TTC39C: variants seen among roughly 807,000 people sequenced by gnomAD.
TTC39C encodes tetratricopeptide repeat domain 39C, also known as tetratricopeptide repeat protein 39C.
In TTC39C, 33 loss-of-function variants were observed where a neutral mutation model predicts 76.3. The ratio of observed to expected loss-of-function variants is 0.43; its 90% CI spans 0.33 to 0.58. The LOEUF (loss-of-function observed/expected upper bound fraction) is 0.58. Ranked by LOEUF, TTC39C falls within the 20% of genes least tolerant of loss-of-function variation. TTC39C has a pLI of 0.04. For synonymous variants in TTC39C, 254 were observed against 260.6 expected, an observed-to-expected ratio of 0.97 and a Z score of 0.24; for missense variants, 595 against 701.4, an observed-to-expected ratio of 0.85 and a Z score of 1.71.
At chr18:24,059,988 A>G (rs2084072763) in intron 1 of TTC39C, among the ~76,000 whole-genome samples, 1 of 152,140 alleles carries the variant, frequency 6.6e-6, no homozygotes, top group East Asian at 1.9e-4. Context: ...CATGAGGCTT[A>G]TTCATTACCA....
At chr18:24,014,028 G>A (rs1158307142), upstream of TTC39C, among the ~76,000 whole-genome samples, 1 of 152,254 alleles carries the variant, frequency 6.6e-6, no homozygotes, top group African/African-American at 2.4e-5. Context: ...AAATGTTGGT[G>A]GCGGGCTGGA....
intron 6 of TTC39C, among the ~76,000 whole-genome samples, chr18:24,098,414 CTCCTTCCT>C (rs1345784860): frequency 1.3e-5 from 1 of 74,474 alleles, no homozygotes. Context: ...CCCTCCCTCC[CTCCTTCCT>C]TCCTTCCTCC....
chr18:24,069,285 T>G lies in TTC39C; in HGVS notation c.460+14T>G, dbSNP rs2084207469. ...AAGAATTGTCAGGTATGCTGAAGCATTATTTTTAATGGTTTTCAGTATTCA... is the reference window on the plus strand; with the variant it reads ...AAGAATTGTCAGGTATGCTGAAGCAGTATTTTTAATGGTTTTCAGTATTCA... On this transcript the variant is annotated intron_variant, in intron 4 of 13. Transcript: ENST00000317571. 6.3e-7 allele frequency: 1 copy of G among 1,599,426 alleles called. No homozygotes were observed. The highest frequency in any genetic ancestry group is 8.6e-7 in the Non-Finnish European group (1 of 1,166,930).
chr18:24,099,734 G>A (rs8093491), intron 6 of TTC39C, among the ~76,000 whole-genome samples: 1 of 151,912 alleles, frequency 6.6e-6, no homozygotes, highest in Non-Finnish European at 1.5e-5. Context: ...AACATTGGAA[G>A]GAGTTCTTAT....
chr18:24,083,502 T>C (rs1013136947), intron 6 of TTC39C, among the ~76,000 whole-genome samples: 2 of 152,256 alleles, frequency 1.3e-5, no homozygotes, highest in Non-Finnish European at 2.9e-5. Flanking sequence ...CAACATGAGC[T>C]TTGAAATACT....
intron 6 of TTC39C, among the ~76,000 whole-genome samples, chr18:24,085,535 GCAGT>G (rs1408729783): frequency 6.6e-6 from 1 of 152,180 alleles, no homozygotes; most frequent in Non-Finnish European, 1.5e-5. Flanking sequence ...CTAAACATAA[GCAGT>G]CATTCCTTGT....
At chr18:24,027,058 G>A (rs963654321) in intron 1 of TTC39C, among the ~76,000 whole-genome samples, 2 of 152,148 alleles carry the variant, frequency 1.3e-5, no homozygotes, top group Non-Finnish European at 2.9e-5. Context: ...TCGGGAGGCC[G>A]AGGCAGGTGG....
intron 6 of TTC39C, among the ~76,000 whole-genome samples, chr18:24,098,023 G>A (rs1205614474): frequency 1.3e-5 from 2 of 152,024 alleles, no homozygotes; most frequent in Non-Finnish European, 2.9e-5. Flanking sequence ...CCCTGCCTAT[G>A]TCTTAAATAA....
In TTC39C at chr18:24,116,830, T is replaced by G. The variant is rs917826533; in HGVS notation, c.1079-1295T>G. ...CTCTTGATACCTTAGTTTTTTTTTT[T>G]TTTTTTTTTTTTTAAGACAGGGTCT... On this transcript the variant is annotated intron_variant, in intron 7 of 13. Transcript: ENST00000317571. 2.0e-5 allele frequency among the ~76,000 whole-genome samples: 3 copies of G among 146,594 alleles called. No homozygotes were observed. The Admixed American group carries it at 2.0e-4, about 10-fold the overall frequency.
intron 1 of TTC39C, chr18:23,994,377 G>A (rs185088972): frequency 2.0e-5 from 3 of 150,650 alleles, no homozygotes; most frequent in Non-Finnish European, 4.4e-5. Context: ...CAAAACCTTT[G>A]TGTGAGAGCC....
At position 24,098,523 on chromosome 18, in the gene TTC39C, G is replaced by C. The variant is rs1301855335; in HGVS notation, c.984+15442G>C. ...ATCCTCTCCTCTCCCCTCCCCTCCC[G>C]TCCCCTCCCCTCCCCTCCCCTCCCC... On this transcript the variant is annotated intron_variant, in intron 6 of 13. Transcript: ENST00000317571. 5.6e-3 allele frequency among the ~76,000 whole-genome samples: 122 copies of C among 21,700 alleles called. 1 individual carries two copies. The highest frequency in any genetic ancestry group is 0.016 in the African/African-American group (85 of 5,444). The allele number at this position is 21,700 out of a possible 152,430, so 14.2% of individuals were successfully genotyped here. A position where few individuals can be genotyped will look rare whatever the true frequency, so the allele number is the denominator to read the frequency against.
chr18:24,061,593 TAAAAAAAAA>T (rs35502981), intron 1 of TTC39C, among the ~76,000 whole-genome samples: 3 of 95,824 alleles, frequency 3.1e-5, no homozygotes, highest in African/African-American at 8.1e-5. Flanking sequence ...TTGAAATAAG[TAAAAAAAAA>T]AAAAAAAAAA....
At chr18:24,099,142 G>GTA (rs761733786) in intron 6 of TTC39C, 4,141 of 145,442 alleles carry the variant, frequency 0.028, 115 homozygotes, top group South Asian at 0.04. Flanking sequence ...GTGTGTGTGT[G>GTA]TATGTGTGTG....
intron 1 of TTC39C, among the ~76,000 whole-genome samples, chr18:24,027,412 T>C (rs1325659063): frequency 1.3e-5 from 2 of 152,286 alleles, no homozygotes; most frequent in African/African-American, 4.8e-5. Flanking sequence ...TTGCAAAATC[T>C]CAAGTTATGT....
intron 1 of TTC39C, among the ~76,000 whole-genome samples, chr18:24,046,014 C>T (rs2083877335): frequency 7.3e-6 from 1 of 136,610 alleles, no homozygotes; most frequent in Admixed American, 8.1e-5. Context: ...TCTCTGCTCA[C>T]TGCAAGCTCC....
chr18:24,018,161 T>A (rs760886453), intron 1 of TTC39C, among the ~76,000 whole-genome samples: 3 of 152,260 alleles, frequency 2.0e-5, no homozygotes, highest in Non-Finnish European at 4.4e-5. Context: ...GGAAGTATAG[T>A]AATAATGTAG....
At chr18:24,111,943 T>C (rs2084819984) in intron 6 of TTC39C, among the ~76,000 whole-genome samples, 1 of 151,414 alleles carries the variant, frequency 6.6e-6, no homozygotes, top group South Asian at 2.1e-4. Flanking sequence ...GTGAAAAATA[T>C]GGGAAAATTT....
intron 5 of TTC39C, among the ~76,000 whole-genome samples, chr18:24,081,671 T>TA (rs1185484588): frequency 1.3e-5 from 2 of 152,216 alleles, no homozygotes; most frequent in African/African-American, 4.8e-5. Flanking sequence ...ACCTTACCTC[T>TA]ATTTCTACTT....
intron 1 of TTC39C, among the ~76,000 whole-genome samples, chr18:24,037,351 A>C (rs1209941155): frequency 6.6e-6 from 1 of 152,136 alleles, no homozygotes; most frequent in Non-Finnish European, 1.5e-5. Context: ...ATGCTCCTTG[A>C]GATTAAGAAT....
Sources: gnomAD v4.1 joint callset for allele counts (sites outside exome capture counted in the v4.1 genomes callset) on GRCh38, gnomAD v4.1.1 for gene constraint, MANE v1.5 for transcripts, NCBI Gene and HGNC (gene_info 2026-07-23, HGNC 2026-07-21) for gene names.